PPP4R3B: variants seen among roughly 807,000 people sequenced by gnomAD.
PPP4R3B encodes protein phosphatase 4 regulatory subunit 3B.
Under a neutral mutation model 95.4 loss-of-function variants are expected in PPP4R3B, and 52 were observed. The observed-to-expected ratio is 0.54, with a 90% CI of 0.44 to 0.69. The LOEUF (loss-of-function observed/expected upper bound fraction) is 0.69. Among genes scored for constraint, PPP4R3B ranks in the 30% least tolerant of loss-of-function variants. The pLI, the probability that PPP4R3B is intolerant of heterozygous loss-of-function variation, is 0.00. For missense variants in PPP4R3B, 1,003 were observed against 1,005.9 expected, an observed-to-expected ratio of 1.00 and a Z score of 0.04; for synonymous variants, 407 against 343.9, an observed-to-expected ratio of 1.18 and a Z score of -2.03.
rs534022512 is a variant in PPP4R3B at position 55,566,637 on chromosome 2, T to C, written c.1935+1557A>G. On this transcript the variant is annotated intron_variant, in intron 13 of 16. Transcript: ENST00000616407. ...CAGCCAAATAATCTTCATATGAGAA[T>C]AGCATGTTATCAGCAAAAATCTGAC... Among the ~76,000 whole-genome samples the C allele has an allele frequency of 2.6e-5, 4 of 152,316 alleles. No homozygotes were observed. The East Asian group carries it at 7.7e-4, about 29-fold the overall frequency.
rs1402562339 is a variant in PPP4R3B, at chr2:55,565,026, G to A, written c.1951C>T (p.Leu651Phe). The A allele has an allele frequency of 1.3e-6, 2 of 1,593,118 alleles. No individual in the cohort carries two copies. Among genetic ancestry groups the A allele is most frequent in the East Asian group, 2.3e-5 (1 of 44,144 alleles). ...AAGTTTTCAACTATATGGGCAGTAA[G>A]AGACTTGATATCTTCCTGTATAAGC... The part of the protein sequence containing the change: ...EFIRVEDIKS[L>F]TAHIVENFYK... The change falls in exon 14 of 17, where the codon CTT becomes TTT. Residue 651 changes from leucine (L) to phenylalanine (F), a missense_variant. Leu to Phe is a conservative substitution (Grantham distance 22). This residue lies in a region of PPP4R3B where 79 missense variants were observed against 124.9 expected (regional missense o/e 0.63). Transcript: ENST00000616407.
intron 4 of PPP4R3B, 38 bp downstream of exon 4, chr2:55,598,378 C>A: frequency 6.3e-7 from 1 of 1,587,140 alleles, no homozygotes; most frequent in South Asian, 1.2e-5. Context: ...AACTAAATAT[C>A]TGAAAAATGG....
intron 2 of PPP4R3B, among the ~76,000 whole-genome samples, chr2:55,610,884 T>TG (rs1447872289): frequency 6.6e-6 from 1 of 151,820 alleles, no homozygotes; most frequent in Non-Finnish European, 1.5e-5. Flanking sequence ...TTTTTTTTTT[T>TG]TGAGAGAGTC....
chr2:55,591,543 T>C (rs894681211), intron 4 of PPP4R3B: 1 of 984,162 alleles, frequency 1.0e-6, no homozygotes, highest in Non-Finnish European at 1.2e-6. Context: ...TTTTCCTGCA[T>C]CTGTTGTAGA....
chr2:55,610,834 A>G (rs1209400503), intron 2 of PPP4R3B, among the ~76,000 whole-genome samples: 2 of 148,384 alleles, frequency 1.3e-5, no homozygotes, highest in South Asian at 4.2e-4. Flanking sequence ...TTAACACACA[A>G]TTGTGTTAAA....
At chr2:55,611,734 A>AT (rs899916814) in intron 2 of PPP4R3B, among the ~76,000 whole-genome samples, 120 of 148,756 alleles carry the variant, frequency 8.1e-4, no homozygotes, top group East Asian at 2.0e-3. Context: ...AATTTACTCA[A>AT]TTTTTTTTTT....
At chr2:55,565,076 TA>T (rs1687115268) in intron 13 of PPP4R3B, 35 bp from the exon 14 acceptor site, 4 of 1,470,894 alleles carry the variant, frequency 2.7e-6, no homozygotes, top group African/African-American at 1.4e-5. Context: ...TAAAATATAA[TA>T]CAATGCTTGT....
rs746069343 is a variant in PPP4R3B at position 55,579,690 on chromosome 2, T to G, written c.1457A>C (p.Lys486Thr). The change falls in exon 9 of 17, where the codon AAA becomes ACA. Residue 486 changes from lysine to threonine, a missense_variant. Physicochemically the swap from Lys to Thr is moderately conservative, Grantham distance 78 (BLOSUM62 -1). Transcript: ENST00000616407. ...APLLTNTSED[K>T]CEKDFFLKHY... Reference sequence around the variant, plus strand: ...TAAAGAGACCCTACCCTTTTCACATTTGTCTTCTGAAGTATTGGTCAAAAG... The same window carrying G: ...TAAAGAGACCCTACCCTTTTCACATGTGTCTTCTGAAGTATTGGTCAAAAG... 3.1e-6 allele frequency: 5 copies of G among 1,590,796 alleles called. No homozygotes were observed. The highest frequency in any genetic ancestry group is 3.4e-6 in the Non-Finnish European group (4 of 1,169,240).
chr2:55,591,212 G>T (rs1489756811), intron 4 of PPP4R3B, among the ~76,000 whole-genome samples: 1 of 150,994 alleles, frequency 6.6e-6, no homozygotes, highest in Non-Finnish European at 1.5e-5. Context: ...ACGTGGCTCA[G>T]TGTAGCCTCG....
intron 16 of PPP4R3B, among the ~76,000 whole-genome samples, chr2:55,553,397 C>G (rs949721420): frequency 1.3e-5 from 2 of 151,842 alleles, no homozygotes; most frequent in Non-Finnish European, 2.9e-5. Context: ...TAACACCTCC[C>G]GAAAAAAGCA....
chr2:55,590,029 T>A lies in PPP4R3B; in HGVS notation c.922-1073A>T, dbSNP rs186428396. Among the ~76,000 whole-genome samples, 1,056 of 146,226 alleles carry A rather than the reference T, an allele frequency of 7.2e-3. 20 individuals are homozygous for A. The highest frequency in any genetic ancestry group is 0.025 in the African/African-American group (999 of 39,918). ...ATATATATAGTCAAGCACGCATTTT[T>A]AAAAAATAAATTTGTGGGCCAGGTG... On this transcript the variant is annotated intron_variant, in intron 4 of 16. Coordinates refer to ENST00000616407, the MANE Select transcript of PPP4R3B (RefSeq NM_001122964.3).
At chr2:55,611,230 T>C (rs952825526) in intron 2 of PPP4R3B, among the ~76,000 whole-genome samples, 1 of 152,134 alleles carries the variant, frequency 6.6e-6, no homozygotes, top group Non-Finnish European at 1.5e-5. Context: ...GGCACAATCA[T>C]AGCACCCTAC....
intron 15 of PPP4R3B, 31 bp downstream of exon 15, chr2:55,564,282 T>A (rs777910806): frequency 6.3e-7 from 1 of 1,587,790 alleles, no homozygotes; most frequent in Admixed American, 1.7e-5. Context: ...AATAAGAGGG[T>A]ACACTGTGCA....
In PPP4R3B at chr2:55,577,299, A is replaced by G; in HGVS notation, c.1606+16T>C. On this transcript the variant is annotated intron_variant, in intron 11 of 16. Transcript: ENST00000616407. ...TATAATTTGCATGTATTCATAAAGTATGAATTCATACTTACCGGGACAAAT... is the reference window on the plus strand; with the variant it reads ...TATAATTTGCATGTATTCATAAAGTGTGAATTCATACTTACCGGGACAAAT... The G allele has an allele frequency of 6.4e-7, 1 of 1,553,408 alleles. No individual in the cohort carries two copies. The highest frequency in any genetic ancestry group is 8.6e-7 in the Non-Finnish European group (1 of 1,156,420).
chr2:55,592,396 C>G (rs1032820868), intron 4 of PPP4R3B, among the ~76,000 whole-genome samples: 2 of 151,904 alleles, frequency 1.3e-5, no homozygotes, highest in African/African-American at 2.4e-5. Context: ...TGAATCAAAC[C>G]AAAGCAAAAG....
At chr2:55,601,141 CAA>C (rs397871165) in intron 3 of PPP4R3B, among the ~76,000 whole-genome samples, 42,633 of 99,486 alleles carry the variant, frequency 0.43, 7,477 homozygotes, top group Admixed American at 0.47. Flanking sequence ...GACCATGTCT[CAA>C]AAAAAAAAAA....
chr2:55,614,120 T>C (rs1020139947), intron 2 of PPP4R3B: 1 of 152,170 alleles, frequency 6.6e-6, no homozygotes, highest in Non-Finnish European at 1.5e-5. Context: ...AATAACTGAT[T>C]AAGAATGTGT....
intron 7 of PPP4R3B, among the ~76,000 whole-genome samples, chr2:55,583,830 T>C (rs1047167689): frequency 6.6e-6 from 1 of 152,198 alleles, no homozygotes; most frequent in African/African-American, 2.4e-5. Context: ...AAAGATTAAA[T>C]GCAAAACACA....
At chr2:55,577,418 G>A in intron 10 of PPP4R3B, 62 bp from the exon 11 acceptor site, 1 of 1,336,392 alleles carries the variant, frequency 7.5e-7, no homozygotes, top group Non-Finnish European at 9.7e-7. Context: ...GATTTCCCTA[G>A]TACTTTATAA....
Sources: gnomAD v4.1 joint callset for allele counts (sites outside exome capture counted in the v4.1 genomes callset) on GRCh38, gnomAD v4.1.1 for gene constraint, gnomAD v4.1.1 regional missense constraint, MANE v1.5 for transcripts, NCBI Gene and HGNC (gene_info 2026-07-23, HGNC 2026-07-21) for gene names.